ELAVL2: variants seen among roughly 807,000 people sequenced by gnomAD.
The protein encoded by ELAVL2 is ELAV-like protein 2.
A neutral mutation model predicts 34.6 loss-of-function variants in ELAVL2; 4 were observed. The observed-to-expected ratio is 0.12, with a 90% confidence interval of 0.06 to 0.26. The LOEUF is 0.26. Ranked by LOEUF, ELAVL2 falls within the 10% of genes least tolerant of loss-of-function variation. ELAVL2 has a pLI of 1.00. For missense variants in ELAVL2, 432 were observed against 442.8 expected, an observed-to-expected ratio of 0.98 and a Z score of 0.22; for synonymous variants, 193 against 154.8, an observed-to-expected ratio of 1.25 and a Z score of -1.83.
At chr9:23,806,395 G>T (rs1049802829) in intron 1 of ELAVL2, among the ~76,000 whole-genome samples, 1 of 152,206 alleles carries the variant, frequency 6.6e-6, no homozygotes, top group South Asian at 2.1e-4. Context: ...CAGCACTTTG[G>T]AAGTCCAAAG....
At chr9:23,716,160 TG>T (rs1459519406) in intron 3 of ELAVL2, among the ~76,000 whole-genome samples, 1 of 108,830 alleles carries the variant, frequency 9.2e-6, no homozygotes, top group Non-Finnish European at 1.8e-5. Flanking sequence ...CACCGGGGCC[TG>T]TTGTCGGGTT....
At chr9:23,833,356 T>C in the ELAVL2 span, among the ~76,000 whole-genome samples, 1 of 151,868 alleles carries the variant, frequency 6.6e-6, no homozygotes, top group Admixed American at 6.6e-5. Flanking sequence ...CCCCTTAAGC[T>C]ATGATTTTTA....
At chr9:23,835,445 T>C in the ELAVL2 span, among the ~76,000 whole-genome samples, 7 of 152,132 alleles carry the variant, frequency 4.6e-5, no homozygotes, top group East Asian at 1.3e-3. Flanking sequence ...TATATTTTTA[T>C]AGGCTATTAT....
At chr9:23,707,939 G>T (rs1166803554) in intron 3 of ELAVL2, among the ~76,000 whole-genome samples, 1 of 152,176 alleles carries the variant, frequency 6.6e-6, no homozygotes, top group East Asian at 1.9e-4. Context: ...ATTCAGATGA[G>T]TGTAGGTGGT....
In ELAVL2 at chr9:23,699,812, G is replaced by GTTTTTTTT. The variant is rs199637833; in HGVS notation, c.713+1559_713+1566dup. ...CCATGGGAAGTCAAAGGTGGCAAAG[G>GTTTTTTTT]TTTTTTTTTTTTTTTTTTTTTTTTT... On this transcript the variant is annotated intron_variant, in intron 5 of 6. Transcript: ENST00000397312. Among the ~76,000 whole-genome samples the GTTTTTTTT allele has an allele frequency of 1.9e-3, 156 of 82,966 alleles. 15 individuals carry two copies. The highest frequency in any genetic ancestry group is 2.7e-3 in the Non-Finnish European group (115 of 42,728). 54.4% of individuals were successfully genotyped at this position (82,966 alleles called of 152,430 possible). A position where few individuals can be genotyped will look rare whatever the true frequency, so the allele number is the denominator to read the frequency against.
intron 3 of ELAVL2, among the ~76,000 whole-genome samples, chr9:23,708,128 C>A (rs2039910049): frequency 6.6e-6 from 1 of 152,002 alleles, no homozygotes; most frequent in African/African-American, 2.4e-5. Flanking sequence ...CCAAGACAAA[C>A]CTTCTCAAAA....
intron 1 of ELAVL2, among the ~76,000 whole-genome samples, chr9:23,822,013 G>C (rs1437919891): frequency 6.6e-6 from 1 of 151,592 alleles, no homozygotes; most frequent in Non-Finnish European, 1.5e-5. Context: ...CCGTCCCTCC[G>C]GACTTCCGAG....
intron 2 of ELAVL2, among the ~76,000 whole-genome samples, chr9:23,743,121 G>C (rs2049672116): frequency 6.6e-6 from 1 of 152,200 alleles, no homozygotes; most frequent in Non-Finnish European, 1.5e-5. Context: ...CTATGGGTCA[G>C]ATGGGAACCA....
At chr9:23,769,790 G>GT (rs1328873104) in intron 1 of ELAVL2, among the ~76,000 whole-genome samples, 1 of 152,122 alleles carries the variant, frequency 6.6e-6, no homozygotes, top group Admixed American at 6.6e-5. Context: ...AAACACTAAC[G>GT]TTTTTCTGTC....
At chr9:23,758,201 T>TA (rs1398362277) in intron 2 of ELAVL2, among the ~76,000 whole-genome samples, 6 of 152,054 alleles carry the variant, frequency 3.9e-5, no homozygotes, top group African/African-American at 1.4e-4. Flanking sequence ...ACAAGACGGG[T>TA]AATGCTACAC....
At chr9:23,828,322 T>C (rs1186659264), upstream of ELAVL2, among the ~76,000 whole-genome samples, 1 of 152,222 alleles carries the variant, frequency 6.6e-6, no homozygotes, top group African/African-American at 2.4e-5. Context: ...ATTAGTTGCA[T>C]ATGCCCATAT....
At position 23,692,243 on chromosome 9, in the gene ELAVL2, A is replaced by C. The variant is rs1455952707; in HGVS notation, c.*314T>G. 1 of 228,104 alleles carries C rather than the reference A, an allele frequency of 4.4e-6. No individual in the cohort carries two copies. The highest frequency in any genetic ancestry group is 8.7e-6 in the Non-Finnish European group (1 of 115,432). The allele number at this position is 228,104 out of a possible 1,614,324, so 14.1% of individuals were successfully genotyped here. A position where few individuals can be genotyped will look rare whatever the true frequency, so the allele number is the denominator to read the frequency against. On this transcript the variant is annotated 3_prime_UTR_variant, in exon 7 of 7. Coordinates refer to ENST00000397312, the MANE Select transcript of ELAVL2 (RefSeq NM_004432.5). The stretch of plus-strand genomic sequence containing the variant: ...ACTCACAGGTTCAAGGCAGTTATGT[A>C]AAAAGAAAAGAAATGTCTTCCCTTA...
chr9:23,840,973 G>C, the ELAVL2 span, among the ~76,000 whole-genome samples: 1 of 152,092 alleles, frequency 6.6e-6, no homozygotes, highest in Non-Finnish European at 1.5e-5. Context: ...CACCCCACAA[G>C]TTACTCACCA....
chr9:23,758,723 A>G (rs968590391), intron 2 of ELAVL2, among the ~76,000 whole-genome samples: 3 of 152,086 alleles, frequency 2.0e-5, no homozygotes, highest in Non-Finnish European at 2.9e-5. Flanking sequence ...ACAGTCCCCA[A>G]ATAGGCTCTA....
chr9:23,825,238 G>GCCCCAA (rs1366097753), intron 1 of ELAVL2, among the ~76,000 whole-genome samples: 2 of 152,130 alleles, frequency 1.3e-5, no homozygotes, highest in African/African-American at 2.4e-5. Context: ...CCCAGCCCCA[G>GCCCCAA]CCCTCAGGCG....
chr9:23,776,900 T>C (rs1036564713), intron 1 of ELAVL2, among the ~76,000 whole-genome samples: 5 of 152,294 alleles, frequency 3.3e-5, no homozygotes, highest in African/African-American at 4.8e-5. Context: ...GTGCACAGCA[T>C]TGATACTGAA....
In ELAVL2 at chr9:23,784,217, T is replaced by C. The variant is rs1321047546; in HGVS notation, c.-15-21968A>G. On this transcript the variant is annotated intron_variant, in intron 1 of 6. Transcript: ENST00000397312. ...CCGTCTCAAAAAACAAAAACAAAAATGCTGGGCACAGAGACTATAGCATAA... is the reference window on the plus strand; with the variant it reads ...CCGTCTCAAAAAACAAAAACAAAAACGCTGGGCACAGAGACTATAGCATAA... Among the ~76,000 whole-genome samples, 3 of 151,878 alleles carry C rather than the reference T, an allele frequency of 2.0e-5. No homozygotes were observed. The East Asian group carries it at 5.8e-4, about 29-fold the overall frequency.
intron 2 of ELAVL2, among the ~76,000 whole-genome samples, chr9:23,747,840 T>C (rs1231056155): frequency 1.3e-5 from 2 of 152,150 alleles, no homozygotes; most frequent in African/African-American, 4.8e-5. Flanking sequence ...AAGTGTGGAA[T>C]GATGTACTTG....
At position 23,766,959 on chromosome 9, in the gene ELAVL2, T is replaced by C. The variant is rs139112839; in HGVS notation, c.-15-4710A>G. On this transcript the variant is annotated intron_variant, in intron 1 of 6. Coordinates refer to ENST00000397312, the MANE Select transcript of ELAVL2 (RefSeq NM_004432.5). ...TTAATTTTAAGGCTTAAAAAAATAA[T>C]GTTTCAATATATATTCTCCTCTTAA... is the stretch of plus-strand genomic sequence containing the variant. Among the ~76,000 whole-genome samples, 35 of 152,322 alleles carry C rather than the reference T, an allele frequency of 2.3e-4. 1 individual carries two copies. The highest frequency in any genetic ancestry group is 8.4e-4 in the African/African-American group (35 of 41,582).
Sources: gnomAD v4.1 joint callset for allele counts (sites outside exome capture counted in the v4.1 genomes callset) on GRCh38, gnomAD v4.1.1 for gene constraint, MANE v1.5 for transcripts, NCBI Gene and HGNC (gene_info 2026-07-23, HGNC 2026-07-21) for gene names.